The following SPAG16 variants were observed in gnomAD, a reference collection of about 807,000 sequenced individuals.
The protein encoded by SPAG16 is sperm associated antigen 16, also known as sperm-associated antigen 16 protein.
Under a neutral mutation model 80.4 loss-of-function variants are expected in SPAG16, and 86 were observed. That is an observed-to-expected ratio of 1.07 (90% CI 0.90 to 1.28). SPAG16 has a LOEUF of 1.28. SPAG16 is among the 50% of genes most tolerant of loss of function. The pLI is 0.00. For synonymous variants in SPAG16, 294 were observed against 265.9 expected (o/e 1.11, Z -1.03); for missense variants, 870 against 765.3 (o/e 1.14, Z -1.61).
At chr2:214,283,407 T>A (rs2125917339) in intron 15 of SPAG16, among the ~76,000 whole-genome samples, 1 of 152,260 alleles carries the variant, frequency 6.6e-6, no homozygotes, top group South Asian at 2.1e-4. Context: ...GTATAACACT[T>A]CACATATTCC....
chr2:213,986,891 CAAA>C (rs369965944), intron 12 of SPAG16, among the ~76,000 whole-genome samples: 1,777 of 57,516 alleles, frequency 0.031, 15 homozygotes, highest in African/African-American at 0.086. Flanking sequence ...TCTGGTATAG[CAAA>C]AAAAAAAAAA....
chr2:213,687,188 A>G (rs1012411688), intron 10 of SPAG16, among the ~76,000 whole-genome samples: 5 of 152,134 alleles, frequency 3.3e-5, no homozygotes, highest in African/African-American at 1.2e-4. Flanking sequence ...AGGAACTTGT[A>G]AGAAAATATT....
intron 15 of SPAG16, among the ~76,000 whole-genome samples, chr2:214,313,002 T>G (rs1695440378): frequency 6.6e-6 from 1 of 151,916 alleles, no homozygotes; most frequent in Non-Finnish European, 1.5e-5. Flanking sequence ...AAACAAAAAT[T>G]CATTTAGTAT....
chr2:214,305,021 C>T (rs1278521708), intron 15 of SPAG16, among the ~76,000 whole-genome samples: 1 of 152,214 alleles, frequency 6.6e-6, no homozygotes, highest in African/African-American at 2.4e-5. Flanking sequence ...TTTCTCTCCA[C>T]AACCTCACCA....
At chr2:214,328,064 CT>C (rs1489534002) in intron 15 of SPAG16, among the ~76,000 whole-genome samples, 2 of 151,854 alleles carry the variant, frequency 1.3e-5, no homozygotes, top group Admixed American at 1.3e-4. Context: ...TAAAGAGATG[CT>C]TTTTGTCTAG....
At chr2:213,724,357 C>A (rs2066658169) in intron 10 of SPAG16, among the ~76,000 whole-genome samples, 1 of 152,072 alleles carries the variant, frequency 6.6e-6, no homozygotes, top group Non-Finnish European at 1.5e-5. Flanking sequence ...GTAACTTTAG[C>A]ATTAAGGATA....
chr2:213,369,972 C>T (rs950913100), intron 8 of SPAG16, among the ~76,000 whole-genome samples: 2 of 152,210 alleles, frequency 1.3e-5, no homozygotes, highest in African/African-American at 4.8e-5. Context: ...GAATTCAACA[C>T]ATTTATGACG....
Position 214,143,234 on chromosome 2 carries a change from GTTTTTTTTTT to G in SPAG16, c.1594-5894_1594-5885del, listed in dbSNP as rs59910884. Among the ~76,000 whole-genome samples, 3 of 112,704 alleles carry G rather than the reference GTTTTTTTTTT, an allele frequency of 2.7e-5. No individual in the cohort carries two copies. In the South Asian group the frequency reaches 8.0e-4, roughly 30 times the overall value. 73.9% of individuals were successfully genotyped at this position (112,704 alleles called of 152,430 possible). ...ATCACCTATTCCATCATAGTTTTGG[GTTTTTTTTTT>G]TTTTTTTTTTTGGTTTCCTGATATA... On this transcript the variant is annotated intron_variant, in intron 14 of 15. Transcript: ENST00000331683.
chr2:214,293,005 G>T (rs1411958744), intron 15 of SPAG16, among the ~76,000 whole-genome samples: 1 of 152,208 alleles, frequency 6.6e-6, no homozygotes, highest in Non-Finnish European at 1.5e-5. Flanking sequence ...CTGGGGACGA[G>T]GATGCTGGAT....
chr2:213,507,675 T>A (rs2075021459), intron 10 of SPAG16, among the ~76,000 whole-genome samples: 1 of 152,226 alleles, frequency 6.6e-6, no homozygotes. Flanking sequence ...CTCTAAGTGT[T>A]ACTTATACCT....
intron 11 of SPAG16, among the ~76,000 whole-genome samples, chr2:213,915,893 GT>G (rs1362702779): frequency 5.3e-5 from 8 of 152,014 alleles, no homozygotes; most frequent in Admixed American, 2.0e-4. Context: ...TTTTTTTCAT[GT>G]TTGTTGGCTG....
intron 15 of SPAG16, among the ~76,000 whole-genome samples, chr2:214,293,580 A>G (rs1373948219): frequency 1.3e-5 from 2 of 152,218 alleles, no homozygotes; most frequent in Admixed American, 6.5e-5. Flanking sequence ...CCAGGTCACT[A>G]GCAGAATGCT....
intron 10 of SPAG16, among the ~76,000 whole-genome samples, chr2:213,587,539 T>G (rs1297631224): frequency 1.3e-5 from 2 of 152,198 alleles, no homozygotes; most frequent in Non-Finnish European, 2.9e-5. Flanking sequence ...TGAAATGCCT[T>G]AGGGGCCATT....
At chr2:213,989,079 A>G (rs1309708498) in intron 12 of SPAG16, among the ~76,000 whole-genome samples, 1 of 152,128 alleles carries the variant, frequency 6.6e-6, no homozygotes, top group Non-Finnish European at 1.5e-5. Flanking sequence ...GGATAGTGTC[A>G]TATGATGAAA....
chr2:213,492,346 T>C (rs113957813), intron 10 of SPAG16, among the ~76,000 whole-genome samples: 2,167 of 152,134 alleles, frequency 0.014, 20 homozygotes, highest in Non-Finnish European at 0.025. Flanking sequence ...TAGGTCAGAT[T>C]GAGACCATCC....
At position 214,410,348 on chromosome 2, in the gene SPAG16, C is replaced by T; in HGVS notation, c.*33C>T. 1 of 1,551,078 alleles carries T rather than the reference C, an allele frequency of 6.4e-7. No homozygotes were observed. The highest frequency in any genetic ancestry group is 8.8e-7 in the Non-Finnish European group (1 of 1,140,806). The stretch of plus-strand genomic sequence containing the variant: ...CACATCCCGCTGCAGAGGGCATTCC[C>T]TTTAAGGCTTGAAAATGCCTCCTGT... On this transcript the variant is annotated 3_prime_UTR_variant, in exon 16 of 16. Transcript: ENST00000331683.
chr2:213,888,426 A>T (rs1192804151), intron 11 of SPAG16, among the ~76,000 whole-genome samples: 1 of 151,850 alleles, frequency 6.6e-6, no homozygotes, highest in South Asian at 2.1e-4. Context: ...ACCACAAGCT[A>T]GTTTTGAAAT....
chr2:214,175,798 T>G (rs1481990566), intron 15 of SPAG16, among the ~76,000 whole-genome samples: 1 of 151,626 alleles, frequency 6.6e-6, no homozygotes, highest in East Asian at 1.9e-4. Flanking sequence ...TATAAAATTC[T>G]TCTTCCTTTT....
intron 3 of SPAG16, among the ~76,000 whole-genome samples, chr2:213,307,163 G>A (rs1365073832): frequency 6.6e-6 from 1 of 152,026 alleles, no homozygotes; most frequent in African/African-American, 2.4e-5. Flanking sequence ...GCAGCTATCA[G>A]TAATAAACAT....
Sources: gnomAD v4.1 joint callset for allele counts (sites outside exome capture counted in the v4.1 genomes callset) on GRCh38, gnomAD v4.1.1 for gene constraint, MANE v1.5 for transcripts, NCBI Gene and HGNC (gene_info 2026-07-23, HGNC 2026-07-21) for gene names.